COL5A2: variants seen among roughly 807,000 people sequenced by gnomAD.
COL5A2 encodes collagen type V alpha 2 chain, also known as collagen alpha-2(V) chain.
COL5A2 carries 23 observed loss-of-function variants against 208.2 expected under a neutral mutation model. The observed-to-expected ratio is 0.11, with a 90% CI of 0.08 to 0.16. The LOEUF (loss-of-function observed/expected upper bound fraction) is 0.16, where lower values mean the gene tolerates loss of function less well. COL5A2 is among the 10% of genes least tolerant of loss of function. The probability of loss-of-function intolerance (pLI) is 1.00; values close to 1 mark genes in which losing one functional copy is unlikely to be tolerated. For missense variants in COL5A2, 1,590 were observed against 1,956.4 expected, an observed-to-expected ratio of 0.81 and a Z score of 3.53; for synonymous variants, 625 against 628.5, an observed-to-expected ratio of 0.99 and a Z score of 0.08.
chr2:189,307,060 A>G, the COL5A2 span, among the ~76,000 whole-genome samples: 1 of 152,204 alleles, frequency 6.6e-6, no homozygotes, highest in East Asian at 1.9e-4. Flanking sequence ...ACTGGAAAAA[A>G]GTTCATTGAT....
the COL5A2 span, among the ~76,000 whole-genome samples, chr2:189,237,300 T>C: frequency 3.3e-5 from 5 of 151,738 alleles, no homozygotes; most frequent in African/African-American, 1.2e-4. Flanking sequence ...CTTCCCATTT[T>C]ATTCTTTTAT....
chr2:189,061,689 GA>G lies in COL5A2; in HGVS notation c.1978-75del, dbSNP rs1686036489. On this transcript the variant is annotated intron_variant, in intron 29 of 53. Coordinates refer to ENST00000374866, the MANE Select transcript of COL5A2 (RefSeq NM_000393.5). The stretch of plus-strand genomic sequence containing the variant: ...TGCTTCCTCTCTACGTGAACCACTA[GA>G]AGTACTGATATTTATTTGTATTTCT... 7.5e-6 allele frequency: 8 copies of G among 1,063,414 alleles called. No homozygotes were observed. The South Asian group carries it at 1.0e-4, about 14-fold the overall frequency. The allele number at this position is 1,063,414 out of a possible 1,614,324, so 65.9% of individuals were successfully genotyped here.
intron 17 of COL5A2, among the ~76,000 whole-genome samples, chr2:189,074,918 G>A (rs1576509700): frequency 6.6e-6 from 1 of 152,114 alleles, no homozygotes; most frequent in African/African-American, 2.4e-5. Flanking sequence ...TGGTCATAAT[G>A]TTCTTATGTT....
At chr2:189,060,000 C>G (rs1404351205) in intron 31 of COL5A2, among the ~76,000 whole-genome samples, 7 of 152,014 alleles carry the variant, frequency 4.6e-5, no homozygotes, top group Non-Finnish European at 7.4e-5. Flanking sequence ...TCTATTTTCC[C>G]CAAATTACAT....
In COL5A2 at chr2:189,100,606, T is replaced by C. The variant is rs111714716; in HGVS notation, c.337-467A>G. ...TTTTCAGGATCTAATCAGATGCCAT[T>C]CCTGAACTACTAGCACCCTTTTTTA... is the stretch of plus-strand genomic sequence containing the variant. On this transcript the variant is annotated intron_variant, in intron 3 of 53. Coordinates refer to ENST00000374866, the MANE Select transcript of COL5A2 (RefSeq NM_000393.5). 7.2e-3 allele frequency among the ~76,000 whole-genome samples: 1,099 copies of C among 152,058 alleles called. 14 individuals are homozygous for C. Among genetic ancestry groups the C allele is most frequent in the African/African-American group, 0.024 (1,016 of 41,526 alleles).
chr2:189,185,376 C>T lies in COL5A2; in HGVS notation c.-42+39772G>A, dbSNP rs148254021. On this transcript the variant is annotated intron_variant, in intron 1 of 10. Coordinates refer to the COL5A2 transcript ENST00000649966. ...TATGGCATGTAAGAAACGTATTATG[C>T]GAAGGCAAAGATAGAAGCAGGGACA... Among the ~76,000 whole-genome samples the T allele has an allele frequency of 3.9e-5, 6 of 152,124 alleles. No individual in the cohort carries two copies. In the East Asian group the frequency reaches 9.7e-4, roughly 25 times the overall value.
At chr2:189,178,006 A>G in intron 1 of COL5A2, among the ~76,000 whole-genome samples, 1 of 152,048 alleles carries the variant, frequency 6.6e-6, no homozygotes, top group African/African-American at 2.4e-5. Context: ...TTCTTTCTAG[A>G]GTCAAATTTT....
chr2:189,121,066 C>A (rs1687490580), intron 1 of COL5A2, among the ~76,000 whole-genome samples: 1 of 152,050 alleles, frequency 6.6e-6, no homozygotes, highest in Non-Finnish European at 1.5e-5. Flanking sequence ...GAACATAATT[C>A]TTTAAATACA....
intron 47 of COL5A2, 121 bp from the exon 48 acceptor site, chr2:189,043,379 G>A: frequency 1.5e-6 from 1 of 645,656 alleles, no homozygotes; most frequent in Non-Finnish European, 2.7e-6. Flanking sequence ...TATTTTATAT[G>A]GATTAATATA....
In COL5A2 at chr2:189,039,313, G is replaced by A. The variant is rs761906066; in HGVS notation, c.3884C>T (p.Thr1295Met). Residue 1295 changes from threonine (T) to methionine (M), a missense_variant, in exon 51 of 54, where the codon ACG (threonine) becomes ATG (methionine). By Grantham distance (81) the Thr-to-Met change is moderately conservative. Transcript: ENST00000374866. ...PDGSKKHPARTCDDLKLCHSA... is the reference protein window; with the variant it reads ...PDGSKKHPARMCDDLKLCHSA... ...ATGGCAAAGCTTTAGGTCATCACAC[G>A]TGCGGGCTGGGTGCTTTTTCGAGCC... 1.2e-5 allele frequency: 19 copies of A among 1,614,080 alleles called. No individual in the cohort carries two copies. The South Asian group carries it at 1.9e-4, about 16-fold the overall frequency.
upstream of COL5A2, among the ~76,000 whole-genome samples, chr2:189,227,346 T>A (rs2105884597): frequency 6.6e-6 from 1 of 152,130 alleles, no homozygotes; most frequent in Middle Eastern, 3.4e-3. Context: ...ATGAACAAAT[T>A]AACAAAACAG....
chr2:189,249,331 TCTTGAAGTATGAGGTTTACAGTGTATG>T, the COL5A2 span, among the ~76,000 whole-genome samples: 14 of 152,172 alleles, frequency 9.2e-5, 1 homozygote, highest in Admixed American at 8.5e-4. Context: ...CTCCAGTTGG[TCTTGAAGTATGAGGTTTACAGTGTATG>T]TTATGGCAAA....
At chr2:189,428,383 A>C in the COL5A2 span, among the ~76,000 whole-genome samples, 2 of 151,978 alleles carry the variant, frequency 1.3e-5, no homozygotes, top group Non-Finnish European at 2.9e-5. Flanking sequence ...ACTTTGGGTG[A>C]CCAAGGCAGG....
At chr2:189,343,549 G>A in the COL5A2 span, among the ~76,000 whole-genome samples, 1 of 152,012 alleles carries the variant, frequency 6.6e-6, no homozygotes, top group Non-Finnish European at 1.5e-5. Flanking sequence ...TACACAAAAA[G>A]TTCACCTACA....
At chr2:189,428,790 C>T in the COL5A2 span, among the ~76,000 whole-genome samples, 1 of 152,142 alleles carries the variant, frequency 6.6e-6, no homozygotes, top group Non-Finnish European at 1.5e-5. Flanking sequence ...GAACCATGAG[C>T]CAATTAAACC....
At chr2:189,205,984 A>G (rs1470312488) in intron 1 of COL5A2, among the ~76,000 whole-genome samples, 1 of 152,212 alleles carries the variant, frequency 6.6e-6, no homozygotes, top group Admixed American at 6.5e-5. Flanking sequence ...CCATTTAACA[A>G]ACTGCTGTTA....
At chr2:189,195,630 G>A (rs1367452277) in intron 1 of COL5A2, among the ~76,000 whole-genome samples, 1 of 152,038 alleles carries the variant, frequency 6.6e-6, no homozygotes, top group South Asian at 2.1e-4. Context: ...TAGACCAATG[G>A]ATCAGAACAG....
intron 17 of COL5A2, among the ~76,000 whole-genome samples, chr2:189,075,112 C>A (rs1297940023): frequency 6.6e-6 from 1 of 152,026 alleles, no homozygotes; most frequent in Non-Finnish European, 1.5e-5. Flanking sequence ...ATATTCTTGC[C>A]CATTTTATAT....
At chr2:189,051,691 T>C (rs1685792820) in intron 41 of COL5A2, among the ~76,000 whole-genome samples, 1 of 152,186 alleles carries the variant, frequency 6.6e-6, no homozygotes, top group African/African-American at 2.4e-5. Flanking sequence ...AAACTAAATA[T>C]CATTTGCAGT....
Sources: gnomAD v4.1 joint callset for allele counts (sites outside exome capture counted in the v4.1 genomes callset) on GRCh38, gnomAD v4.1.1 for gene constraint, MANE v1.5 for transcripts, NCBI Gene and HGNC (gene_info 2026-07-23, HGNC 2026-07-21) for gene names.